Variants in SH2D1B observed in about 807,000 individuals in gnomAD.
SH2D1B encodes the protein SH2 domain containing 1B, also known as SH2 domain-containing protein 1B.
In SH2D1B, 11 loss-of-function variants were observed where a neutral mutation model predicts 16.3. The ratio of observed to expected loss-of-function variants is 0.67; its 90% confidence interval spans 0.42 to 1.11. The LOEUF is 1.11. SH2D1B is among the 50% of genes most tolerant of loss of function. The pLI is 0.00. For missense variants in SH2D1B, 123 were observed against 153.1 expected (o/e 0.80, Z 1.04); for synonymous variants, 55 against 56.1 (o/e 0.98, Z 0.09).
In SH2D1B at chr1:162,397,219, TG is replaced by T; in HGVS notation, c.*60del. 6.3e-7 allele frequency: 1 copy of T among 1,581,008 alleles called. No homozygotes were observed. ...TGCTCTGGACCTATGCCTGCAGAAGTGGGTCATCAGTGAGAACTGTTACTCA... is the reference window on the plus strand; with the variant it reads ...TGCTCTGGACCTATGCCTGCAGAAGTGGTCATCAGTGAGAACTGTTACTCA... On this transcript the variant is annotated 3_prime_UTR_variant, in exon 4 of 4. Coordinates refer to ENST00000367929, the MANE Select transcript of SH2D1B (RefSeq NM_053282.5).
intron 1 of SH2D1B, among the ~76,000 whole-genome samples, chr1:162,408,180 T>C (rs1648693981): frequency 6.6e-6 from 1 of 152,204 alleles, no homozygotes; most frequent in South Asian, 2.1e-4. Flanking sequence ...TAGAATTTAA[T>C]AGTCCATACT....
At chr1:162,398,827 C>G in intron 3 of SH2D1B, 96 bp downstream of exon 3, 3 of 1,383,160 alleles carry the variant, frequency 2.2e-6, no homozygotes, top group Non-Finnish European at 2.9e-6. Flanking sequence ...GATAATGTCA[C>G]AGAAAAGAGC....
intron 1 of SH2D1B, among the ~76,000 whole-genome samples, chr1:162,411,498 G>C (rs164133): frequency 0.3 from 45,090 of 152,070 alleles, 6,902 homozygotes; most frequent in Middle Eastern, 0.43. Flanking sequence ...CAGAATAAGT[G>C]TTTCAGATTG....
rs1273755662 is a variant in SH2D1B at position 162,397,188 on chromosome 1, GTT to G, written c.*90_*91del. 1 of 1,401,618 alleles carries G rather than the reference GTT, an allele frequency of 7.1e-7. No individual in the cohort carries two copies. The highest frequency in any genetic ancestry group is 1.0e-6 in the Non-Finnish European group (1 of 990,404). 86.8% of individuals were successfully genotyped at this position (1,401,618 alleles called of 1,614,324 possible). On this transcript the variant is annotated 3_prime_UTR_variant, in exon 4 of 4. Transcript: ENST00000367929. ...AGGAGAGTCTGAATTGTCCACTAGA[GTT>G]TGGTGCTCTGGACCTATGCCTGCAG...
At chr1:162,402,903 T>C in intron 1 of SH2D1B, 101 bp from the exon 2 acceptor site, 1 of 937,452 alleles carries the variant, frequency 1.1e-6, no homozygotes, top group Non-Finnish European at 1.7e-6. Context: ...TCTACAATCC[T>C]AAAAAAACTC....
chr1:162,401,244 G>T (rs1178344133), intron 2 of SH2D1B, among the ~76,000 whole-genome samples: 1 of 152,120 alleles, frequency 6.6e-6, no homozygotes, highest in Non-Finnish European at 1.5e-5. Context: ...AAATGATTTG[G>T]ATGTCTCCCT....
At chr1:162,410,548 G>A (rs1241618282) in intron 1 of SH2D1B, among the ~76,000 whole-genome samples, 2 of 152,186 alleles carry the variant, frequency 1.3e-5, no homozygotes, top group Non-Finnish European at 2.9e-5. Flanking sequence ...CATAAAGATA[G>A]GAGGTTTCTA....
chr1:162,402,964 A>AGT (rs961725717), intron 1 of SH2D1B, among the ~76,000 whole-genome samples, 162 bp from the exon 2 acceptor site: 1 of 151,274 alleles, frequency 6.6e-6, no homozygotes, highest in Non-Finnish European at 1.5e-5. Context: ...GCTGGAGTGC[A>AGT]GTGGTGCGAT....
At chr1:162,405,131 A>C (rs1339620488) in intron 1 of SH2D1B, among the ~76,000 whole-genome samples, 3 of 152,374 alleles carry the variant, frequency 2.0e-5, no homozygotes, top group Non-Finnish European at 4.4e-5. Flanking sequence ...GATGGATCTC[A>C]AAATAATTAT....
chr1:162,409,629 A>G (rs1648745960), intron 1 of SH2D1B, among the ~76,000 whole-genome samples: 1 of 152,120 alleles, frequency 6.6e-6, no homozygotes. Context: ...CTCAGGCTGG[A>G]GTATAATGGC....
At position 162,395,528 on chromosome 1, in the gene SH2D1B, A is replaced by G. The variant is rs1242800810; in HGVS notation, c.*1752T>C. ...ATCATGACTATGAACTGTTTAATGTATACAGGAGGCCCTAACCAATGGGTA... is the reference window on the plus strand; with the variant it reads ...ATCATGACTATGAACTGTTTAATGTGTACAGGAGGCCCTAACCAATGGGTA... On this transcript the variant is annotated 3_prime_UTR_variant, in exon 4 of 4. Coordinates refer to ENST00000367929, the MANE Select transcript of SH2D1B (RefSeq NM_053282.5). 6.6e-6 allele frequency: 1 copy of G among 152,258 alleles called. No individual in the cohort carries two copies. Among genetic ancestry groups the G allele is most frequent in the Non-Finnish European group, 1.5e-5 (1 of 68,038 alleles). 9.4% of individuals were successfully genotyped at this position (152,258 alleles called of 1,614,324 possible). A position where few individuals can be genotyped will look rare whatever the true frequency, so the allele number is the denominator to read the frequency against.
intron 1 of SH2D1B, among the ~76,000 whole-genome samples, chr1:162,410,028 C>T (rs533244159): frequency 7.2e-5 from 11 of 152,252 alleles, no homozygotes; most frequent in Admixed American, 2.0e-4. Flanking sequence ...GAGCCTATTC[C>T]AAGGCCCATT....
intron 1 of SH2D1B, among the ~76,000 whole-genome samples, chr1:162,409,100 C>A (rs1461909699): frequency 2.4e-5 from 2 of 83,222 alleles, no homozygotes; most frequent in East Asian, 3.6e-4. Flanking sequence ...TGGAGTGAGA[C>A]CCTGTCTAAA....
chr1:162,411,521 G>A (rs2101865840), intron 1 of SH2D1B, among the ~76,000 whole-genome samples: 1 of 152,316 alleles, frequency 6.6e-6, no homozygotes, highest in East Asian at 1.9e-4. Flanking sequence ...ATTTCTTGAA[G>A]AACCCCTAGC....
At chr1:162,403,537 T>C (rs1428880428) in intron 1 of SH2D1B, among the ~76,000 whole-genome samples, 2 of 114,240 alleles carry the variant, frequency 1.8e-5, no homozygotes, top group South Asian at 3.1e-4. Context: ...TATATATATA[T>C]ATATATGTAA....
intron 2 of SH2D1B, among the ~76,000 whole-genome samples, chr1:162,400,077 C>T (rs1648474838): frequency 6.6e-6 from 1 of 152,140 alleles, no homozygotes; most frequent in Non-Finnish European, 1.5e-5. Flanking sequence ...CACTGATGGG[C>T]ATTTAGGTTG....
chr1:162,403,010 G>C (rs11589974), intron 1 of SH2D1B, among the ~76,000 whole-genome samples: 1 of 151,070 alleles, frequency 6.6e-6, no homozygotes, highest in East Asian at 2.0e-4. Context: ...CCGGGTTCAA[G>C]CGATTCTCCT....
At chr1:162,402,591 A>C in intron 2 of SH2D1B, 148 bp downstream of exon 2, 1 of 612,556 alleles carries the variant, frequency 1.6e-6, no homozygotes, top group African/African-American at 1.8e-5. Context: ...GGGAAAAACC[A>C]GGTTAACTCG....
intron 3 of SH2D1B, 87 bp from the exon 4 acceptor site, chr1:162,397,402 C>T: frequency 6.9e-7 from 1 of 1,440,768 alleles, no homozygotes; most frequent in Non-Finnish European, 9.7e-7. Flanking sequence ...GGAAAGAAGA[C>T]CCCTCCCCAG....
Sources: gnomAD v4.1 joint callset for allele counts (sites outside exome capture counted in the v4.1 genomes callset) on GRCh38, gnomAD v4.1.1 for gene constraint, MANE v1.5 for transcripts, NCBI Gene and HGNC (gene_info 2026-07-23, HGNC 2026-07-21) for gene names.